PTGER3: variants seen among roughly 807,000 people sequenced by gnomAD.
The protein encoded by PTGER3 is prostaglandin E2 receptor EP3 subtype.
In PTGER3, 22 loss-of-function variants were observed where a neutral mutation model predicts 34.7. That is an observed-to-expected ratio of 0.63 (90% CI 0.45 to 0.91). The LOEUF (loss-of-function observed/expected upper bound fraction) is 0.91. PTGER3 is among the 40% of genes least tolerant of loss of function. The probability of loss-of-function intolerance (pLI) is 0.00; values close to 1 mark genes in which losing one functional copy is unlikely to be tolerated. For missense variants in PTGER3, 468 were observed against 519.4 expected, an observed-to-expected ratio of 0.90 and a Z score of 0.96; for synonymous variants, 241 against 230.1, an observed-to-expected ratio of 1.05 and a Z score of -0.43.
chr1:70,869,983 G>A (rs1646128411), intron 4 of PTGER3, among the ~76,000 whole-genome samples: 1 of 152,156 alleles, frequency 6.6e-6, no homozygotes, highest in African/African-American at 2.4e-5. Context: ...TTCTGTGTGG[G>A]GACTCCTATG....
chr1:70,860,192 A>G (rs1250893085), intron 4 of PTGER3, among the ~76,000 whole-genome samples: 3 of 152,334 alleles, frequency 2.0e-5, no homozygotes, highest in Admixed American at 6.5e-5. Flanking sequence ...CTTTTTTCTA[A>G]GATAAATTTG....
chr1:70,887,624 AT>A (rs35557973), intron 4 of PTGER3, among the ~76,000 whole-genome samples: 41,107 of 151,418 alleles, frequency 0.27, 5,761 homozygotes, highest in Middle Eastern at 0.34. Context: ...ATATATACTT[AT>A]TTTTCAACAA....
intron 1 of PTGER3, among the ~76,000 whole-genome samples, chr1:71,031,087 A>C (rs1255565335): frequency 6.6e-6 from 1 of 152,184 alleles, no homozygotes; most frequent in African/African-American, 2.4e-5. Context: ...TGTGAAGATT[A>C]AATTAGGTAA....
chr1:70,931,443 C>T (rs1648686797), intron 4 of PTGER3, among the ~76,000 whole-genome samples: 1 of 152,226 alleles, frequency 6.6e-6, no homozygotes, highest in Admixed American at 6.5e-5. Flanking sequence ...GGCTCAGACT[C>T]CACATTTCAC....
Position 70,852,649 on chromosome 1 carries a change from T to C in PTGER3, c.*234A>G, listed in dbSNP as rs1645706432. The C allele has an allele frequency of 2.0e-5, 14 of 700,678 alleles. No homozygotes were observed. In the South Asian group the frequency reaches 2.4e-4, roughly 12 times the overall value. 43.4% of individuals were successfully genotyped at this position (700,678 alleles called of 1,614,324 possible). The stretch of plus-strand genomic sequence containing the variant: ...GTTTAATTGATGTATGTAGATATAG[T>C]AAAAGTACAAAAACATGTATGGAAA... On this transcript the variant is annotated 3_prime_UTR_variant, in exon 5 of 5. Coordinates refer to the PTGER3 transcript ENST00000370931.
intron 1 of PTGER3, among the ~76,000 whole-genome samples, chr1:71,040,282 C>T (rs1660200109): frequency 6.6e-6 from 1 of 151,920 alleles, no homozygotes; most frequent in South Asian, 2.1e-4. Context: ...GGGGCCAGAC[C>T]CTGTCTTCTG....
chr1:70,860,519 T>C (rs1349731121), intron 4 of PTGER3, among the ~76,000 whole-genome samples: 1 of 152,158 alleles, frequency 6.6e-6, no homozygotes, highest in East Asian at 1.9e-4. Context: ...AATGGATGTA[T>C]AGCTTACATT....
At chr1:70,912,038 T>C (rs754490179) in intron 4 of PTGER3, among the ~76,000 whole-genome samples, 3 of 152,174 alleles carry the variant, frequency 2.0e-5, no homozygotes, top group Admixed American at 6.5e-5. Context: ...TCATGTTTCA[T>C]TGAGATCTAA....
chr1:70,946,472 G>A (rs1650237691), intron 4 of PTGER3, among the ~76,000 whole-genome samples: 1 of 152,152 alleles, frequency 6.6e-6, no homozygotes, highest in Non-Finnish European at 1.5e-5. Flanking sequence ...AACCTGCCAT[G>A]TTAAACTATG....
At chr1:70,922,780 A>G (rs1294554207) in intron 4 of PTGER3, among the ~76,000 whole-genome samples, 1 of 152,216 alleles carries the variant, frequency 6.6e-6, no homozygotes, top group African/African-American at 2.4e-5. Context: ...TTTTCTGCCT[A>G]GATTAAAGGG....
At chr1:70,950,170 A>T (rs1327526597), downstream of PTGER3, among the ~76,000 whole-genome samples, 2 of 152,210 alleles carry the variant, frequency 1.3e-5, no homozygotes, top group African/African-American at 4.8e-5. Flanking sequence ...AATGAGAAAC[A>T]GATTGAAGTA....
chr1:70,905,736 CATT>C (rs2100361311), intron 4 of PTGER3, among the ~76,000 whole-genome samples: 2 of 152,130 alleles, frequency 1.3e-5, no homozygotes, highest in South Asian at 4.2e-4. Flanking sequence ...ATCATTATCT[CATT>C]GTCTCAGATG....
chr1:71,046,731 G>T lies in PTGER3; in HGVS notation c.847C>A (p.Gln283Lys), dbSNP rs1660858139. Residue 283 changes from glutamine (Q) to lysine (K), a missense_variant, in exon 1 of 4, where the codon CAG (glutamine) becomes AAG (lysine). Around this residue, in one of 5 missense-constraint regions of PTGER3, gnomAD observed 204 missense variants for 230.8 expected, o/e 0.88. Transcript: ENST00000306666. ...AGCACGCACATGATCCCCATAAGCT[G>T]AATGGCCGTCTCGGTCGTGATGCGG... Reference protein sequence around the residue: ...WGRITTETAIQLMGIMCVLSV... With the variant: ...WGRITTETAIKLMGIMCVLSV... 1 of 1,610,140 alleles carries T rather than the reference G, an allele frequency of 6.2e-7. No individual in the cohort carries two copies. Among genetic ancestry groups the T allele is most frequent in the Non-Finnish European group, 8.5e-7 (1 of 1,178,052 alleles).
At chr1:71,044,159 G>A (rs901678921) in intron 1 of PTGER3, among the ~76,000 whole-genome samples, 1 of 151,080 alleles carries the variant, frequency 6.6e-6, no homozygotes, top group African/African-American at 2.4e-5. Flanking sequence ...CTCCTAGGCC[G>A]GGCACGGTGG....
intron 4 of PTGER3, among the ~76,000 whole-genome samples, chr1:70,882,918 C>A (rs1646422563): frequency 6.6e-6 from 1 of 152,218 alleles, no homozygotes; most frequent in Non-Finnish European, 1.5e-5. Context: ...TGTTCACTAG[C>A]CCTTTTGTTT....
At chr1:71,024,071 T>G (rs568878033) in intron 1 of PTGER3, among the ~76,000 whole-genome samples, 31 of 152,298 alleles carry the variant, frequency 2.0e-4, no homozygotes, top group African/African-American at 7.2e-4. Context: ...AACACTTAAA[T>G]TCAAAGCTCC....
chr1:70,889,553 A>C (rs1484651825), intron 4 of PTGER3, among the ~76,000 whole-genome samples: 1 of 152,200 alleles, frequency 6.6e-6, no homozygotes, highest in Non-Finnish European at 1.5e-5. Context: ...CTAAAATTAC[A>C]TATAAATATT....
downstream of PTGER3, among the ~76,000 whole-genome samples, chr1:70,966,128 A>G: frequency 6.6e-6 from 1 of 152,332 alleles, no homozygotes; most frequent in South Asian, 2.1e-4. Flanking sequence ...GAAGTAATAC[A>G]ATTTATATTT....
intron 4 of PTGER3, among the ~76,000 whole-genome samples, chr1:70,877,797 G>A (rs1188542730): frequency 1.3e-5 from 2 of 152,136 alleles, no homozygotes; most frequent in Non-Finnish European, 1.5e-5. Flanking sequence ...CAGGGATAAA[G>A]CCTACTACAT....
Sources: allele counts gnomAD v4.1 joint callset (sites outside exome capture counted in the v4.1 genomes callset), GRCh38; gene constraint gnomAD v4.1.1; regional missense constraint gnomAD v4.1.1; transcripts MANE v1.5; gene names NCBI Gene and HGNC (gene_info 2026-07-23, HGNC 2026-07-21).